ZNF804A: variants seen among roughly 807,000 people sequenced by gnomAD.
The protein encoded by ZNF804A is zinc finger protein 804A.
ZNF804A carries 2 observed loss-of-function variants against 16.5 expected under a neutral mutation model. The observed-to-expected ratio is 0.12, with a 90% CI of 0.05 to 0.38. ZNF804A has a LOEUF of 0.38. ZNF804A is among the 10% of genes least tolerant of loss of function. ZNF804A has a pLI of 0.99. For synonymous variants in ZNF804A, 534 were observed against 489.6 expected (o/e 1.09, Z -1.20); for missense variants, 1,473 against 1,390.7 (o/e 1.06, Z -0.94).
chr2:184,867,873 A>G, intron 2 of ZNF804A, among the ~76,000 whole-genome samples: 1 of 152,080 alleles, frequency 6.6e-6, no homozygotes, highest in East Asian at 1.9e-4. Context: ...AAGCCTGAGT[A>G]TATTACTACA....
Position 184,909,826 on chromosome 2 carries a change from T to C in ZNF804A, c.256-23777T>C, listed in dbSNP as rs562774998. 3.9e-5 allele frequency among the ~76,000 whole-genome samples: 6 copies of C among 152,152 alleles called. No homozygotes were observed. In the East Asian group the frequency reaches 9.7e-4, roughly 24 times the overall value. On this transcript the variant is annotated intron_variant, in intron 2 of 3. Transcript: ENST00000302277. ...ATAGGCAGTATATGTGTTTTACATA[T>C]GTGCTATGCCAAGAGTTTATGTGAT...
At chr2:184,830,347 T>G (rs1695243976) in intron 1 of ZNF804A, among the ~76,000 whole-genome samples, 1 of 152,164 alleles carries the variant, frequency 6.6e-6, no homozygotes, top group Admixed American at 6.6e-5. Context: ...TTTTAAAATA[T>G]TATCAATTAA....
intron 2 of ZNF804A, among the ~76,000 whole-genome samples, chr2:184,897,013 C>G (rs933107541): frequency 6.6e-6 from 1 of 151,932 alleles, no homozygotes; most frequent in Non-Finnish European, 1.5e-5. Context: ...ACTTGAATTC[C>G]TAGAATAGGT....
At position 184,731,251 on chromosome 2, in the gene ZNF804A, CAAAAAAAAAAAAA is replaced by C. The variant is rs563068533; in HGVS notation, c.111+132198_111+132210del. On this transcript the variant is annotated intron_variant, in intron 1 of 3. Coordinates refer to ENST00000302277, the MANE Select transcript of ZNF804A (RefSeq NM_194250.2). ...GGACAACAAGAGCTAGGCTCCGTCG[CAAAAAAAAAAAAA>C]AAAAAAAAAAAAAAAAGGAAAAAAG... is the stretch of plus-strand genomic sequence containing the variant. 1.2e-3 allele frequency among the ~76,000 whole-genome samples: 55 copies of C among 45,322 alleles called. No homozygotes were observed. The East Asian group carries it at 0.034, about 28-fold the overall frequency. The allele number at this position is 45,322 out of a possible 152,430, so 29.7% of individuals were successfully genotyped here.
chr2:184,745,034 G>A (rs1459834785), intron 1 of ZNF804A, among the ~76,000 whole-genome samples: 5 of 151,712 alleles, frequency 3.3e-5, no homozygotes, highest in Admixed American at 6.6e-5. Flanking sequence ...GTGGTTAAAA[G>A]TGCCTTTTAA....
rs184661095 is a variant in ZNF804A, at chr2:184,840,748, A to G, written c.112-25621A>G. On this transcript the variant is annotated intron_variant, in intron 1 of 3. Transcript: ENST00000302277. ...AAAGGAAAATTTATTTCTCTCAGTCATCTCTTATTCAGCTTAAGAATTAAA... is the reference window on the plus strand; with the variant it reads ...AAAGGAAAATTTATTTCTCTCAGTCGTCTCTTATTCAGCTTAAGAATTAAA... 4.6e-5 allele frequency among the ~76,000 whole-genome samples: 7 copies of G among 152,228 alleles called. No individual in the cohort carries two copies. In the East Asian group the frequency reaches 9.7e-4, roughly 21 times the overall value.
At chr2:184,841,943 GT>G (rs762983934) in intron 1 of ZNF804A, among the ~76,000 whole-genome samples, 9 of 152,066 alleles carry the variant, frequency 5.9e-5, no homozygotes, top group Non-Finnish European at 1.2e-4. Context: ...TTCGTGTCTT[GT>G]TTTTATCATA....
intron 1 of ZNF804A, among the ~76,000 whole-genome samples, chr2:184,843,345 C>A (rs987048414): frequency 6.6e-6 from 1 of 152,116 alleles, no homozygotes; most frequent in South Asian, 2.1e-4. Context: ...TCACTGAAAC[C>A]TCTGCCTCCT....
At chr2:184,690,155 C>T (rs906354235) in intron 1 of ZNF804A, among the ~76,000 whole-genome samples, 2 of 147,674 alleles carry the variant, frequency 1.4e-5, no homozygotes, top group African/African-American at 2.5e-5. Context: ...TTTGCCCTAC[C>T]GATGAAAATG....
chr2:184,641,899 T>C (rs946143439), intron 1 of ZNF804A, among the ~76,000 whole-genome samples: 2 of 152,210 alleles, frequency 1.3e-5, no homozygotes, highest in South Asian at 2.1e-4. Flanking sequence ...TAATGTAAAA[T>C]AGGTCTTTTG....
chr2:184,705,815 G>A lies in ZNF804A; in HGVS notation c.111+106745G>A, dbSNP rs79008550. ...CTGGGGTGGTAGAAAATGTGGTTTG[G>A]GGCTTAAAACACAAAAAATCATGGC... On this transcript the variant is annotated intron_variant, in intron 1 of 3. Coordinates refer to ENST00000302277, the MANE Select transcript of ZNF804A (RefSeq NM_194250.2). Among the ~76,000 whole-genome samples the A allele has an allele frequency of 7.9e-5, 12 of 152,164 alleles. No individual in the cohort carries two copies. In the East Asian group the frequency reaches 2.3e-3, roughly 29 times the overall value.
rs751328846 is a variant in ZNF804A, at chr2:184,936,772, C to T, written c.1376C>T (p.Pro459Leu). Residue 459 changes from proline (P) to leucine (L), a missense_variant, in exon 4 of 4, where the codon CCT (proline) becomes CTT (leucine). Coordinates refer to ENST00000302277, the MANE Select transcript of ZNF804A (RefSeq NM_194250.2). ...CCATCAATTTCCTATAGCTGTAATC[C>T]TCTATGTTTTGACTTCAAGTCTACT... is the stretch of plus-strand genomic sequence containing the variant. ...TKPSISYSCNPLCFDFKSTKV... is the reference protein window; with the variant it reads ...TKPSISYSCNLLCFDFKSTKV... 1 of 1,613,766 alleles carries T rather than the reference C, an allele frequency of 6.2e-7. No homozygotes were observed. Among genetic ancestry groups the T allele is most frequent in the South Asian group, 1.1e-5 (1 of 91,054 alleles).
At chr2:184,776,194 A>T (rs1461705693) in intron 1 of ZNF804A, among the ~76,000 whole-genome samples, 1 of 151,622 alleles carries the variant, frequency 6.6e-6, no homozygotes, top group Non-Finnish European at 1.5e-5. Context: ...TATGCAACAA[A>T]TAAAAGAAAA....
chr2:184,758,083 G>C (rs747260213), intron 1 of ZNF804A, among the ~76,000 whole-genome samples: 14 of 151,926 alleles, frequency 9.2e-5, no homozygotes, highest in Non-Finnish European at 1.9e-4. Context: ...AATTTTAAAA[G>C]AAAACATTGT....
At chr2:184,743,756 G>T (rs1027209437) in intron 1 of ZNF804A, among the ~76,000 whole-genome samples, 1 of 151,798 alleles carries the variant, frequency 6.6e-6, no homozygotes, top group Non-Finnish European at 1.5e-5. Flanking sequence ...GGTATATTTT[G>T]TATATATCTA....
chr2:184,821,742 A>G (rs982411768), intron 1 of ZNF804A, among the ~76,000 whole-genome samples: 2 of 152,176 alleles, frequency 1.3e-5, no homozygotes, highest in Non-Finnish European at 2.9e-5. Flanking sequence ...CATATTAAAA[A>G]GTGGGCAAGA....
At chr2:184,615,579 A>G (rs879715794) in intron 1 of ZNF804A, among the ~76,000 whole-genome samples, 24 of 152,310 alleles carry the variant, frequency 1.6e-4, no homozygotes, top group Non-Finnish European at 3.2e-4. Flanking sequence ...CTCTGTTTCT[A>G]TTCTGGCTTG....
At chr2:184,805,303 C>G (rs892093964) in intron 1 of ZNF804A, among the ~76,000 whole-genome samples, 3 of 152,052 alleles carry the variant, frequency 2.0e-5, no homozygotes, top group African/African-American at 7.2e-5. Flanking sequence ...CTTAAGATAT[C>G]TTAATATTTC....
intron 1 of ZNF804A, among the ~76,000 whole-genome samples, chr2:184,759,443 T>C (rs1183367778): frequency 1.3e-5 from 2 of 151,752 alleles, no homozygotes; most frequent in Admixed American, 6.6e-5. Flanking sequence ...AACAGATAAA[T>C]TGCATACCAC....
Sources: allele counts gnomAD v4.1 joint callset (sites outside exome capture counted in the v4.1 genomes callset), GRCh38; gene constraint gnomAD v4.1.1; transcripts MANE v1.5; gene names NCBI Gene and HGNC (gene_info 2026-07-23, HGNC 2026-07-21).